HMGA1: variants seen among roughly 807,000 people sequenced by gnomAD.
The protein encoded by HMGA1 is high mobility group protein HMG-I/HMG-Y.
In HMGA1, 1 loss-of-function variant was observed where a neutral mutation model predicts 15.1. That is an observed-to-expected ratio of 0.07 (90% CI 0.02 to 0.31). The LOEUF (loss-of-function observed/expected upper bound fraction) is 0.31, where lower values mean the gene tolerates loss of function less well. HMGA1 is among the 10% of genes least tolerant of loss of function. The pLI is 1.00. For synonymous variants in HMGA1, 56 were observed against 54.8 expected, an observed-to-expected ratio of 1.02 and a Z score of -0.10; for missense variants, 94 against 141.4, an observed-to-expected ratio of 0.66 and a Z score of 1.70.
In HMGA1 at chr6:34,243,496, C is replaced by A. The variant is rs1367620009; in HGVS notation, c.248C>A (p.Pro83Gln). Reference sequence around the variant, plus strand: ...ACCACCACAACTCCAGGAAGGAAACCAAGGGGCAGACCCAAAAAACTGGTA... The same window carrying A: ...ACCACCACAACTCCAGGAAGGAAACAAAGGGGCAGACCCAAAAAACTGGTA... ...RKTTTTPGRK[P>Q]RGRPKKLEKE... is the part of the protein sequence containing the mutation. Residue 83 changes from proline (P) to glutamine (Q), a missense_variant, in exon 5 of 6, where the codon CCA becomes CAA. Pro to Gln is a moderately conservative substitution (Grantham distance 76). Coordinates refer to ENST00000311487, the MANE Select transcript of HMGA1 (RefSeq NM_145899.3). 1 of 1,613,864 alleles carries A rather than the reference C, an allele frequency of 6.2e-7. No homozygotes were observed. Among genetic ancestry groups the A allele is most frequent in the South Asian group, 1.1e-5 (1 of 91,064 alleles).
Position 34,240,740 on chromosome 6 carries a change from C to T in HMGA1, c.-41C>T. The T allele has an allele frequency of 6.2e-7, 1 of 1,611,276 alleles. No homozygotes were observed. Among genetic ancestry groups the T allele is most frequent in the Non-Finnish European group, 8.5e-7 (1 of 1,179,406 alleles). Reference sequence around the variant, plus strand: ...AAAGCACTTTTCTGTCTCCCAGCATCCCAGCCATCACTCTTCCACCTGCTC... The same window carrying T: ...AAAGCACTTTTCTGTCTCCCAGCATTCCAGCCATCACTCTTCCACCTGCTC... On this transcript the variant is annotated 5_prime_UTR_variant, in exon 3 of 6. Coordinates refer to ENST00000311487, the MANE Select transcript of HMGA1 (RefSeq NM_145899.3).
At chr6:34,241,100 A>G (rs990197888) in intron 3 of HMGA1, among the ~76,000 whole-genome samples, 185 bp downstream of exon 3, 3 of 152,166 alleles carry the variant, frequency 2.0e-5, no homozygotes, top group Non-Finnish European at 4.4e-5. Context: ...AGATCTCTAT[A>G]GAGACCCCAG....
intron 3 of HMGA1, 72 bp downstream of exon 3, chr6:34,240,987 C>T: frequency 1.3e-6 from 2 of 1,548,592 alleles, no homozygotes; most frequent in Non-Finnish European, 8.9e-7. Context: ...TTTCATTCAG[C>T]AGGCGAGACC....
At chr6:34,242,217 C>G (rs1426794309) in intron 3 of HMGA1, among the ~76,000 whole-genome samples, 1 of 152,144 alleles carries the variant, frequency 6.6e-6, no homozygotes, top group African/African-American at 2.4e-5. Flanking sequence ...TCCAGGTTTG[C>G]AAGTGCAGGC....
intron 2 of HMGA1, among the ~76,000 whole-genome samples, chr6:34,239,132 A>G (rs1313833981): frequency 6.6e-6 from 1 of 152,226 alleles, no homozygotes; most frequent in Non-Finnish European, 1.5e-5. Flanking sequence ...GAAACATTAT[A>G]AGATAGAATA....
At chr6:34,241,659 G>T (rs1288224192) in intron 3 of HMGA1, among the ~76,000 whole-genome samples, 2 of 152,246 alleles carry the variant, frequency 1.3e-5, no homozygotes, top group Non-Finnish European at 2.9e-5. Context: ...GCATGGGGGG[G>T]ACCCCATATT....
rs998899261 is a variant in HMGA1 at position 34,246,071 on chromosome 6, CAG to C, written c.*1190_*1191del. 4.0e-6 allele frequency: 1 copy of C among 251,186 alleles called. No individual in the cohort carries two copies. The highest frequency in any genetic ancestry group is 2.2e-5 in the African/African-American group (1 of 44,860). The allele number at this position is 251,186 out of a possible 1,614,324, so 15.6% of individuals were successfully genotyped here. A position where few individuals can be genotyped will look rare whatever the true frequency, so the allele number is the denominator to read the frequency against. On this transcript the variant is annotated 3_prime_UTR_variant, in exon 6 of 6. Coordinates refer to ENST00000311487, the MANE Select transcript of HMGA1 (RefSeq NM_145899.3). ...GGGCCCTGCCCCTAGGATGCTGCAG[CAG>C]AGTGAGCAAGGGGGCCCAAATCGAC...
Position 34,244,979 on chromosome 6 carries a change from G to GC in HMGA1, c.*98dup. On this transcript the variant is annotated 3_prime_UTR_variant, in exon 6 of 6. Coordinates refer to ENST00000311487, the MANE Select transcript of HMGA1 (RefSeq NM_145899.3). ...CCCACCGCCCCCACCCCTTCCCCAG[G>GC]CCCACCATCACCACCGCCTCTGGCC... is the stretch of plus-strand genomic sequence containing the variant. The GC allele has an allele frequency of 6.5e-7, 1 of 1,542,624 alleles. No individual in the cohort carries two copies. Among genetic ancestry groups the GC allele is most frequent in the South Asian group, 1.2e-5 (1 of 83,618 alleles).
At chr6:34,242,682 T>G in intron 3 of HMGA1, 30 bp from the exon 4 acceptor site, 2 of 1,481,368 alleles carry the variant, frequency 1.4e-6, no homozygotes, top group East Asian at 4.9e-5. Context: ...AGGTGATGAC[T>G]GTCCCTGACT....
rs777562460 is a variant in HMGA1 at position 34,246,222 on chromosome 6, C to A, written c.*1338C>A. 2 of 312,868 alleles carry A rather than the reference C, an allele frequency of 6.4e-6. No individual in the cohort carries two copies. Among genetic ancestry groups the A allele is most frequent in the East Asian group, 9.8e-5 (2 of 20,360 alleles). 19.4% of individuals were successfully genotyped at this position (312,868 alleles called of 1,614,324 possible). A position where few individuals can be genotyped will look rare whatever the true frequency, so the allele number is the denominator to read the frequency against. On this transcript the variant is annotated 3_prime_UTR_variant, in exon 6 of 6. Coordinates refer to ENST00000311487, the MANE Select transcript of HMGA1 (RefSeq NM_145899.3). Reference sequence around the variant, plus strand: ...CAGTTACTTGAATAAAAAAAATATCCTTTTCTGGACTGGAGTCTCCTGTGG... The same window carrying A: ...CAGTTACTTGAATAAAAAAAATATCATTTTCTGGACTGGAGTCTCCTGTGG...
In HMGA1 at chr6:34,245,044, A is replaced by G. The variant is rs1205294447; in HGVS notation, c.*160A>G. On this transcript the variant is annotated 3_prime_UTR_variant, in exon 6 of 6. Coordinates refer to ENST00000311487, the MANE Select transcript of HMGA1 (RefSeq NM_145899.3). ...CCACCTGTGCCCTCACCACCACACTACACAGCACACCAGCCGCTGCAGGGC... is the reference window on the plus strand; with the variant it reads ...CCACCTGTGCCCTCACCACCACACTGCACAGCACACCAGCCGCTGCAGGGC... 1 of 1,537,456 alleles carries G rather than the reference A, an allele frequency of 6.5e-7. No individual in the cohort carries two copies. The highest frequency in any genetic ancestry group is 1.2e-5 in the South Asian group (1 of 83,058).
Position 34,243,461 on chromosome 6 carries a change from C to T in HMGA1, c.220-7C>T, listed in dbSNP as rs41269028. ...GGACTTAGGAGATATTTTCTCTAACCCTCTAGAAAACCACCACAACTCCAG... is the reference window on the plus strand; with the variant it reads ...GGACTTAGGAGATATTTTCTCTAACTCTCTAGAAAACCACCACAACTCCAG... On this transcript the variant is annotated splice_polypyrimidine_tract_variant and splice_region_variant and intron_variant, in intron 4 of 5. Coordinates refer to ENST00000311487, the MANE Select transcript of HMGA1 (RefSeq NM_145899.3). The T allele has an allele frequency of 0.038, 61,446 of 1,610,404 alleles. 1,417 individuals are homozygous for T. The highest frequency in any genetic ancestry group is 0.044 in the Non-Finnish European group (52,245 of 1,176,896).
intron 4 of HMGA1, 144 bp from the exon 5 acceptor site, chr6:34,243,324 C>T: frequency 1.4e-6 from 1 of 714,632 alleles, no homozygotes; most frequent in Non-Finnish European, 2.5e-6. Flanking sequence ...CCAGTCATTG[C>T]CAGCTGGACT....
At chr6:34,244,781 G>C (rs1472050788) in intron 5 of HMGA1, 50 bp from the exon 6 acceptor site, 1 of 1,495,624 alleles carries the variant, frequency 6.7e-7, no homozygotes, top group East Asian at 2.4e-5. Flanking sequence ...TCTGGGGGTG[G>C]AAGAGGGGGA....
intron 2 of HMGA1, among the ~76,000 whole-genome samples, chr6:34,239,321 C>A (rs1489431105): frequency 1.3e-5 from 2 of 151,100 alleles, no homozygotes; most frequent in Non-Finnish European, 2.9e-5. Context: ...ATTGTCCAGG[C>A]TGGTCTCGAA....
At chr6:34,242,442 C>A (rs972070962) in intron 3 of HMGA1, among the ~76,000 whole-genome samples, 1 of 152,244 alleles carries the variant, frequency 6.6e-6, no homozygotes, top group Non-Finnish European at 1.5e-5. Flanking sequence ...AACTGTCTTT[C>A]TGTCCCCAGA....
chr6:34,241,274 GAATGAACAAA>G (rs1762286948), intron 3 of HMGA1, among the ~76,000 whole-genome samples: 1 of 152,112 alleles, frequency 6.6e-6, no homozygotes, highest in South Asian at 2.1e-4. Flanking sequence ...CAGTAAAGAC[GAATGAACAAA>G]AATGAACATA....
In HMGA1 at chr6:34,246,203, C is replaced by T; in HGVS notation, c.*1319C>T. On this transcript the variant is annotated 3_prime_UTR_variant, in exon 6 of 6. Transcript: ENST00000311487. The stretch of plus-strand genomic sequence containing the variant: ...CTCTCTGGTTTCCTATTTGCAGTTA[C>T]TTGAATAAAAAAAATATCCTTTTCT... 3.6e-6 allele frequency: 1 copy of T among 280,584 alleles called. No homozygotes were observed. The highest frequency in any genetic ancestry group is 4.8e-5 in the Admixed American group (1 of 20,912). 17.4% of individuals were successfully genotyped at this position (280,584 alleles called of 1,614,324 possible). A position where few individuals can be genotyped will look rare whatever the true frequency, so the allele number is the denominator to read the frequency against.
rs10947489 is a variant in HMGA1, at chr6:34,245,788, C to A, written c.*904C>A. ...CTCACCCTGCCCGCTCCCAACCCCC[C>A]TCCTGCTCCTCCCTGCCCCCCAAGG... On this transcript the variant is annotated 3_prime_UTR_variant, in exon 6 of 6. Coordinates refer to ENST00000311487, the MANE Select transcript of HMGA1 (RefSeq NM_145899.3). 759 of 428,704 alleles carry A rather than the reference C, an allele frequency of 1.8e-3. 8 individuals carry two copies. The highest frequency in any genetic ancestry group is 0.014 in the African/African-American group (675 of 49,364). 26.6% of individuals were successfully genotyped at this position (428,704 alleles called of 1,614,324 possible).
Sources: gnomAD v4.1 joint callset for allele counts (sites outside exome capture counted in the v4.1 genomes callset) on GRCh38, gnomAD v4.1.1 for gene constraint, MANE v1.5 for transcripts, NCBI Gene and HGNC (gene_info 2026-07-23, HGNC 2026-07-21) for gene names.